RBMS1: variants seen among roughly 807,000 people sequenced by gnomAD.
RBMS1 encodes the protein RNA binding motif single stranded interacting protein 1.
RBMS1 carries 17 observed loss-of-function variants against 62.3 expected under a neutral mutation model. The observed-to-expected ratio is 0.27, with a 90% CI of 0.19 to 0.41. RBMS1 has a LOEUF of 0.41. Among genes scored for constraint, RBMS1 ranks in the 10% least tolerant of loss-of-function variants. The pLI is 1.00. For synonymous variants in RBMS1, 172 were observed against 170.0 expected, an observed-to-expected ratio of 1.01 and a Z score of -0.09; for missense variants, 334 against 504.5, an observed-to-expected ratio of 0.66 and a Z score of 3.24.
chr2:160,410,996 C>T (rs1257761096), intron 1 of RBMS1, among the ~76,000 whole-genome samples: 1 of 152,204 alleles, frequency 6.6e-6, no homozygotes. Flanking sequence ...CCCATCTCGG[C>T]CTCCCAAAGT....
At chr2:160,469,497 T>C (rs1311551253) in intron 1 of RBMS1, among the ~76,000 whole-genome samples, 1 of 152,184 alleles carries the variant, frequency 6.6e-6, no homozygotes. Flanking sequence ...GTTGTTTCTT[T>C]AGTGGGTTCT....
At chr2:160,385,318 C>T (rs991027092) in intron 1 of RBMS1, among the ~76,000 whole-genome samples, 1 of 152,160 alleles carries the variant, frequency 6.6e-6, no homozygotes, top group Admixed American at 6.5e-5. Context: ...TCTCGATCCC[C>T]CTCGTCCTAC....
intron 1 of RBMS1, among the ~76,000 whole-genome samples, chr2:160,399,051 A>C (rs551755548): frequency 6.6e-6 from 1 of 152,212 alleles, no homozygotes; most frequent in Admixed American, 6.5e-5. Context: ...AGTCAACCTA[A>C]CCTGAACTAC....
chr2:160,448,398 A>G (rs1387044302), intron 1 of RBMS1, among the ~76,000 whole-genome samples: 4 of 150,630 alleles, frequency 2.7e-5, no homozygotes, highest in Non-Finnish European at 4.4e-5. Flanking sequence ...CTCCCTGCCT[A>G]ATTCTCCTGC....
intron 2 of RBMS1, among the ~76,000 whole-genome samples, chr2:160,357,310 C>G (rs771950094): frequency 2.6e-5 from 4 of 152,076 alleles, no homozygotes; most frequent in Non-Finnish European, 4.4e-5. Flanking sequence ...GGTTTGCCAA[C>G]AGCTTGTGTG....
chr2:160,337,379 C>T (rs1691639111), intron 2 of RBMS1, among the ~76,000 whole-genome samples: 2 of 152,030 alleles, frequency 1.3e-5, no homozygotes, highest in Admixed American at 6.5e-5. Flanking sequence ...AGTGATCCGC[C>T]CCACTCAGCC....
intron 3 of RBMS1, among the ~76,000 whole-genome samples, chr2:160,313,899 TA>T (rs753635799): frequency 6.6e-6 from 1 of 152,178 alleles, no homozygotes; most frequent in East Asian, 1.9e-4. Flanking sequence ...TTCTAAAGTC[TA>T]AAAACAAAAC....
chr2:160,393,676 C>T (rs989001866), intron 1 of RBMS1, among the ~76,000 whole-genome samples: 4 of 151,400 alleles, frequency 2.6e-5, no homozygotes, highest in Non-Finnish European at 4.4e-5. Flanking sequence ...ACTCGGGAGG[C>T]TGAGGCAGGA....
chr2:160,301,157 A>T (rs1168101792), intron 5 of RBMS1, among the ~76,000 whole-genome samples: 2 of 152,242 alleles, frequency 1.3e-5, no homozygotes, highest in African/African-American at 4.8e-5. Context: ...AAATTCACAA[A>T]ATGACAGACT....
chr2:160,293,749 T>G (rs1245948011), intron 6 of RBMS1, among the ~76,000 whole-genome samples: 1 of 152,170 alleles, frequency 6.6e-6, no homozygotes, highest in Admixed American at 6.6e-5. Flanking sequence ...TCTAGGATAG[T>G]TCCAGCTCAC....
chr2:160,333,111 C>T (rs1691371961), intron 2 of RBMS1, among the ~76,000 whole-genome samples: 2 of 151,888 alleles, frequency 1.3e-5, no homozygotes, highest in Non-Finnish European at 2.9e-5. Flanking sequence ...CAGACCTCAC[C>T]CCAGAGGCTG....
At chr2:160,376,019 C>A (rs2105177483) in intron 1 of RBMS1, among the ~76,000 whole-genome samples, 1 of 152,218 alleles carries the variant, frequency 6.6e-6, no homozygotes, top group Non-Finnish European at 1.5e-5. Flanking sequence ...GATTCCAGGG[C>A]TGACAACTTC....
At chr2:160,484,640 G>T (rs1248686776) in intron 1 of RBMS1, among the ~76,000 whole-genome samples, 2 of 151,448 alleles carry the variant, frequency 1.3e-5, no homozygotes, top group African/African-American at 4.9e-5. Flanking sequence ...GGAGGCCCGG[G>T]GCGGGCGGAT....
chr2:160,300,805 A>G, intron 5 of RBMS1, 75 bp from the exon 6 acceptor site: 1 of 1,378,720 alleles, frequency 7.3e-7, no homozygotes, highest in Non-Finnish European at 9.5e-7. Context: ...GCATGCATAA[A>G]CATTCTTATA....
intron 1 of RBMS1, among the ~76,000 whole-genome samples, chr2:160,410,366 C>T (rs1450816645): frequency 6.6e-6 from 1 of 151,048 alleles, no homozygotes; most frequent in African/African-American, 2.4e-5. Flanking sequence ...AAACAATGTC[C>T]ACCGGGGTTC....
chr2:160,491,234 C>A (rs1685815223), intron 1 of RBMS1, among the ~76,000 whole-genome samples: 2 of 152,120 alleles, frequency 1.3e-5, no homozygotes, highest in African/African-American at 2.4e-5. Flanking sequence ...GGAATTTAGA[C>A]TTAATTACCA....
At chr2:160,418,950 T>C (rs1182639269) in intron 1 of RBMS1, among the ~76,000 whole-genome samples, 1 of 152,176 alleles carries the variant, frequency 6.6e-6, no homozygotes, top group African/African-American at 2.4e-5. Context: ...AAGCAATATA[T>C]TAAAAATGTA....
chr2:160,294,891 G>A (rs1485249257), intron 6 of RBMS1, among the ~76,000 whole-genome samples: 1 of 151,912 alleles, frequency 6.6e-6, no homozygotes, highest in African/African-American at 2.4e-5. Context: ...TGGTTCTTCT[G>A]ATAATAATCA....
At chr2:160,470,768 G>A (rs1411167621) in intron 1 of RBMS1, among the ~76,000 whole-genome samples, 1 of 152,012 alleles carries the variant, frequency 6.6e-6, no homozygotes. Context: ...GAGTGGGGGG[G>A]GTATGACCAA....
Sources: gnomAD v4.1 joint callset for allele counts (sites outside exome capture counted in the v4.1 genomes callset) on GRCh38, gnomAD v4.1.1 for gene constraint, MANE v1.5 for transcripts, NCBI Gene and HGNC (gene_info 2026-07-23, HGNC 2026-07-21) for gene names.